Variants in CTSC observed in about 807,000 individuals in gnomAD.
The protein encoded by CTSC is cathepsin C, also known as dipeptidyl peptidase 1.
CTSC carries 37 observed loss-of-function variants against 40.9 expected under a neutral mutation model. The ratio of observed to expected loss-of-function variants is 0.91; its 90% CI spans 0.70 to 1.19. The LOEUF (loss-of-function observed/expected upper bound fraction) is 1.19, where lower values mean the gene tolerates loss of function less well. Among genes scored for constraint, CTSC ranks in the 50% most tolerant of loss-of-function variants. The pLI, the probability that CTSC is intolerant of heterozygous loss-of-function variation, is 0.00. For synonymous variants in CTSC, 232 were observed against 207.4 expected, an observed-to-expected ratio of 1.12 and a Z score of -1.02; for missense variants, 594 against 567.3, an observed-to-expected ratio of 1.05 and a Z score of -0.48.
rs765617464 is a variant in CTSC, at chr11:88,294,179, C to G, written c.1219G>C (p.Val407Leu). ...FNPFELTNHA[V>L]LLVGYGTDSA... ...TCAGTGCCATAGCCCACAAGCAGAACAGCATGATTAGTCAGCTCAAAGGGG... is the reference window on the plus strand; with the variant it reads ...TCAGTGCCATAGCCCACAAGCAGAAGAGCATGATTAGTCAGCTCAAAGGGG... Residue 407 changes from valine (V) to leucine (L), a missense_variant, in exon 7 of 7, where the codon GTT (valine) becomes CTT (leucine). Transcript: ENST00000227266. The G allele has an allele frequency of 2.0e-5, 32 of 1,613,930 alleles. No homozygotes were observed. The highest frequency in any genetic ancestry group is 2.4e-5 in the Non-Finnish European group (28 of 1,180,000).
chr11:88,316,475 C>CTAAATAAATAAATAAA (rs4002985), intron 2 of CTSC, among the ~76,000 whole-genome samples: 15,989 of 144,892 alleles, frequency 0.11, 1,203 homozygotes, highest in East Asian at 0.3. Flanking sequence ...GATCCATTCT[C>CTAAATAAATAAATAAA]TAAATAAATA....
chr11:88,334,421 G>A lies in CTSC; in HGVS notation c.318+516C>T, dbSNP rs544205975. ...CTTTCACTTTAACCAGCCTAAGGGAGTAACTCCTAGGTTCTCTCTTTCTGT... is the reference window on the plus strand; with the variant it reads ...CTTTCACTTTAACCAGCCTAAGGGAATAACTCCTAGGTTCTCTCTTTCTGT... On this transcript the variant is annotated intron_variant, in intron 2 of 6. Transcript: ENST00000227266. Among the ~76,000 whole-genome samples, 73 of 152,314 alleles carry A rather than the reference G, an allele frequency of 4.8e-4. 1 individual carries two copies. In the South Asian group the frequency reaches 0.011, roughly 24 times the overall value.
intron 5 of CTSC, chr11:88,299,827 G>A (rs1353654066): frequency 1.3e-5 from 2 of 152,214 alleles, no homozygotes; most frequent in Non-Finnish European, 2.9e-5. Flanking sequence ...CCAAGTCATT[G>A]TTGGCTACAA....
chr11:88,320,731 TG>T, intron 2 of CTSC: 1 of 761,806 alleles, frequency 1.3e-6, no homozygotes, highest in Non-Finnish European at 1.6e-6. Flanking sequence ...CCAACATATA[TG>T]GCCTGAGGGC....
intron 5 of CTSC, 49 bp from the exon 6 acceptor site, chr11:88,296,313 CAG>C: frequency 3.1e-6 from 5 of 1,610,098 alleles, no homozygotes; most frequent in Non-Finnish European, 4.2e-6. Flanking sequence ...TGAAGCCTCA[CAG>C]AGAATCATGC....
intron 2 of CTSC, among the ~76,000 whole-genome samples, chr11:88,329,004 T>A (rs1425356020): frequency 3.3e-5 from 5 of 152,158 alleles, no homozygotes. Flanking sequence ...AGCCCTAAGA[T>A]TTGCTTCACT....
intron 4 of CTSC, among the ~76,000 whole-genome samples, chr11:88,303,464 T>A (rs1246332804): frequency 6.6e-6 from 1 of 152,190 alleles, no homozygotes; most frequent in Admixed American, 6.5e-5. Flanking sequence ...CTAGAGTGAC[T>A]CACAGAACTC....
At chr11:88,325,569 G>GTT in intron 2 of CTSC, 1 of 985,398 alleles carries the variant, frequency 1.0e-6, no homozygotes, top group East Asian at 1.1e-4. Flanking sequence ...TAGAAACTCT[G>GTT]TGAGCTTAGC....
At chr11:88,298,786 G>C (rs1346161252) in intron 5 of CTSC, 3 of 152,088 alleles carry the variant, frequency 2.0e-5, no homozygotes, top group Non-Finnish European at 4.4e-5. Context: ...AAAGAATAAA[G>C]AACATGGGAG....
rs762298800 is a variant in CTSC, at chr11:88,294,400, A to G, written c.998T>C (p.Met333Thr). ...PYTGTDSPCK[M>T]KEDCFRYYSS... is the part of the protein sequence containing the mutation. ...GTAATAACGAAAGCAGTCTTCCTTCATTTTGCATGGAGAATCAGTGCCTGT... is the reference window on the plus strand; with the variant it reads ...GTAATAACGAAAGCAGTCTTCCTTCGTTTTGCATGGAGAATCAGTGCCTGT... The change falls in exon 7 of 7, where the codon ATG becomes ACG. Residue 333 changes from methionine (M) to threonine (T), a missense_variant. By Grantham distance (81) the Met-to-Thr change is moderately conservative. Coordinates refer to ENST00000227266, the MANE Select transcript of CTSC (RefSeq NM_001814.6). The G allele has an allele frequency of 1.5e-5, 25 of 1,613,980 alleles. No homozygotes were observed. The highest frequency in any genetic ancestry group is 5.0e-5 in the Admixed American group (3 of 59,980).
At chr11:88,327,928 C>G (rs546946065) in intron 2 of CTSC, 5 of 621,934 alleles carry the variant, frequency 8.0e-6, no homozygotes, top group Non-Finnish European at 1.4e-5. Flanking sequence ...AAATTACTCA[C>G]ATAAAATAGT....
chr11:88,324,677 C>T, intron 2 of CTSC: 1 of 984,934 alleles, frequency 1.0e-6, no homozygotes, highest in Non-Finnish European at 1.2e-6. Flanking sequence ...TACCCAATCA[C>T]TCCATTACAG....
chr11:88,313,198 T>C (rs1937803493), intron 2 of CTSC, among the ~76,000 whole-genome samples: 1 of 152,090 alleles, frequency 6.6e-6, no homozygotes, highest in Admixed American at 6.5e-5. Context: ...ACCTCCCGAG[T>C]AGCTGGGATT....
At chr11:88,323,322 G>A (rs1021614389) in intron 2 of CTSC, 1 of 152,074 alleles carries the variant, frequency 6.6e-6, no homozygotes, top group African/African-American at 2.4e-5. Flanking sequence ...CATACTGAAT[G>A]GGCAAAAGCT....
intron 2 of CTSC, chr11:88,325,848 C>A (rs1026382997): frequency 2.0e-5 from 20 of 986,786 alleles, no homozygotes; most frequent in Non-Finnish European, 2.4e-5. Context: ...ATAGGACCAT[C>A]TTCCCTTCAA....
Position 88,293,883 on chromosome 11 carries a change from A to C in CTSC, c.*123T>G, listed in dbSNP as rs1944268165. 1 of 1,212,878 alleles carries C rather than the reference A, an allele frequency of 8.2e-7. No individual in the cohort carries two copies. The highest frequency in any genetic ancestry group is 1.5e-5 in the African/African-American group (1 of 67,306). The allele number at this position is 1,212,878 out of a possible 1,614,324, so 75.1% of individuals were successfully genotyped here. A position where few individuals can be genotyped will look rare whatever the true frequency, so the allele number is the denominator to read the frequency against. On this transcript the variant is annotated 3_prime_UTR_variant, in exon 7 of 7. Coordinates refer to ENST00000227266, the MANE Select transcript of CTSC (RefSeq NM_001814.6). The stretch of plus-strand genomic sequence containing the variant: ...AAGGGCAGTTTTAATTCTGAAGACA[A>C]ATATCTTCATGGAAATCTATTTGTA...
chr11:88,296,564 A>G, intron 5 of CTSC: 1 of 370,988 alleles, frequency 2.7e-6, no homozygotes, highest in Non-Finnish European at 5.2e-6. Flanking sequence ...ATTCTTGATA[A>G]TGATGAAAGG....
chr11:88,309,789 AATAC>A (rs1191763187), intron 3 of CTSC, among the ~76,000 whole-genome samples: 10 of 144,908 alleles, frequency 6.9e-5, no homozygotes, highest in Admixed American at 2.1e-4. Flanking sequence ...GTATATGTAT[AATAC>A]ATACATATAT....
intron 2 of CTSC, among the ~76,000 whole-genome samples, chr11:88,316,899 T>C (rs933126459): frequency 2.0e-5 from 3 of 152,234 alleles, no homozygotes; most frequent in Non-Finnish European, 4.4e-5. Flanking sequence ...AATTTTAGGT[T>C]GACCTAGAAG....
Sources: allele counts gnomAD v4.1 joint callset (sites outside exome capture counted in the v4.1 genomes callset), GRCh38; gene constraint gnomAD v4.1.1; transcripts MANE v1.5; gene names NCBI Gene and HGNC (gene_info 2026-07-23, HGNC 2026-07-21).